Variants in EXOC2 observed in about 807,000 individuals in gnomAD.
EXOC2 encodes the protein SEC5-like 1.
EXOC2 carries 70 observed loss-of-function variants against 131.8 expected under a neutral mutation model. The observed-to-expected ratio is 0.53, with a 90% CI of 0.44 to 0.65. EXOC2 has a LOEUF of 0.65. EXOC2 is among the 30% of genes least tolerant of loss of function. EXOC2 has a pLI of 0.00. For synonymous variants in EXOC2, 411 were observed against 398.4 expected (o/e 1.03, Z -0.38); for missense variants, 923 against 1,108.6 (o/e 0.83, Z 2.38).
intron 1 of EXOC2, among the ~76,000 whole-genome samples, chr6:668,086 T>C (rs1165563295): frequency 6.6e-6 from 1 of 152,252 alleles, no homozygotes; most frequent in Non-Finnish European, 1.5e-5. Context: ...CAAGAGTTTC[T>C]ATTGGTTTTT....
chr6:576,316 G>A (rs1309103529), intron 12 of EXOC2, among the ~76,000 whole-genome samples: 4 of 152,084 alleles, frequency 2.6e-5, no homozygotes, highest in Non-Finnish European at 4.4e-5. Flanking sequence ...TTCATCTTAG[G>A]AAAAATTATT....
rs886682223 is a variant in EXOC2, at chr6:506,502, A to C, written c.2381-6802T>G. Among the ~76,000 whole-genome samples, 5 of 152,202 alleles carry C rather than the reference A, an allele frequency of 3.3e-5. No homozygotes were observed. The highest frequency in any genetic ancestry group is 9.7e-5 in the African/African-American group (4 of 41,444). ...TGCAGTAATAAGTACTGTTTTTAAAAAGGTTCCCCTTCAATAAACCCCCAC... is the reference window on the plus strand; with the variant it reads ...TGCAGTAATAAGTACTGTTTTTAAACAGGTTCCCCTTCAATAAACCCCCAC... On this transcript the variant is annotated intron_variant, in intron 23 of 27. Coordinates refer to ENST00000230449, the MANE Select transcript of EXOC2 (RefSeq NM_018303.6). This position sits in a 1 kb window ranked among gnomAD's most constrained non-coding sequence, Gnocchi z 4.4.
intron 12 of EXOC2, 133 bp from the exon 13 acceptor site, chr6:572,777 C>T (rs914390539): frequency 1.8e-5 from 20 of 1,124,346 alleles, no homozygotes; most frequent in Admixed American, 4.8e-5. Context: ...TCTGCGTGGA[C>T]GCTCGCGGCC....
Position 605,484 on chromosome 6 carries a change from T to C in EXOC2, c.742+4614A>G, listed in dbSNP as rs1760355435. 1.3e-5 allele frequency among the ~76,000 whole-genome samples: 2 copies of C among 152,226 alleles called. 1 individual carries two copies. Among genetic ancestry groups the C allele is most frequent in the South Asian group, 4.1e-4 (2 of 4,832 alleles). On this transcript the variant is annotated intron_variant, in intron 7 of 27. Transcript: ENST00000230449. ...ATTTCTTCTAGATTTTCTAGTTCATTTGCGTAGAGGTGTTTATAGTATTCT... is the reference window on the plus strand; with the variant it reads ...ATTTCTTCTAGATTTTCTAGTTCATCTGCGTAGAGGTGTTTATAGTATTCT...
intron 4 of EXOC2, among the ~76,000 whole-genome samples, chr6:624,310 GT>G (rs1405853916): frequency 6.6e-6 from 1 of 152,160 alleles, no homozygotes; most frequent in African/African-American, 2.4e-5. Context: ...CAATCTCGAT[GT>G]TTGCTCAATC....
chr6:627,564 G>A (rs1761641597), intron 4 of EXOC2, among the ~76,000 whole-genome samples: 1 of 152,050 alleles, frequency 6.6e-6, no homozygotes, highest in Non-Finnish European at 1.5e-5. Flanking sequence ...GGCTAATGGC[G>A]ATGCCAGGGA....
chr6:558,209 C>T (rs549422268), intron 17 of EXOC2, among the ~76,000 whole-genome samples: 1 of 152,270 alleles, frequency 6.6e-6, no homozygotes, highest in Admixed American at 6.5e-5. Context: ...TGGAAAGGAA[C>T]CCAGACTTAA....
At chr6:580,039 GTTTTT>G (rs1215297669) in intron 11 of EXOC2, among the ~76,000 whole-genome samples, 1 of 85,490 alleles carries the variant, frequency 1.2e-5, no homozygotes, top group Non-Finnish European at 2.5e-5. Context: ...GCCGGGTGCA[GTTTTT>G]TTTGTTTTTT....
intron 23 of EXOC2, among the ~76,000 whole-genome samples, chr6:505,384 C>A (rs909234299): frequency 6.6e-6 from 1 of 152,140 alleles, no homozygotes; most frequent in Non-Finnish European, 1.5e-5. Context: ...CGAAGAGGAT[C>A]GGGGGACACA....
chr6:633,482 T>C lies in EXOC2; in HGVS notation c.119-365A>G, dbSNP rs577882004. ...TTATTTGAAGTCTCAGTTATTAACA[T>C]AGAATTTTAAAGTGTATTAATAAAC... On this transcript the variant is annotated intron_variant, in intron 2 of 27. Coordinates refer to ENST00000230449, the MANE Select transcript of EXOC2 (RefSeq NM_018303.6). Among the ~76,000 whole-genome samples, 9 of 152,294 alleles carry C rather than the reference T, an allele frequency of 5.9e-5. No homozygotes were observed. The East Asian group carries it at 1.2e-3, about 20-fold the overall frequency.
At chr6:548,063 C>A (rs1756954657) in intron 22 of EXOC2, among the ~76,000 whole-genome samples, 1 of 152,114 alleles carries the variant, frequency 6.6e-6, no homozygotes, top group Non-Finnish European at 1.5e-5. Flanking sequence ...AACAAAGCAA[C>A]CACCTTCTAC....
intron 23 of EXOC2, among the ~76,000 whole-genome samples, chr6:508,281 G>A (rs1185955295): frequency 2.0e-5 from 3 of 151,420 alleles, no homozygotes; most frequent in African/African-American, 7.3e-5. Flanking sequence ...TGTTACAGTC[G>A]AAAGACCTAC....
At chr6:564,988 C>T in intron 13 of EXOC2, 59 bp from the exon 14 acceptor site, 1 of 1,346,804 alleles carries the variant, frequency 7.4e-7, no homozygotes, top group Non-Finnish European at 1.0e-6. Context: ...ATAAGAAATG[C>T]TTTAGCACTT....
intron 22 of EXOC2, among the ~76,000 whole-genome samples, chr6:539,158 A>G (rs1766650780): frequency 6.6e-6 from 1 of 152,150 alleles, no homozygotes; most frequent in African/African-American, 2.4e-5. Context: ...AGGTAGCCCC[A>G]TCATAAGTTC....
intron 4 of EXOC2, among the ~76,000 whole-genome samples, chr6:625,382 G>A (rs1447330259): frequency 2.0e-5 from 3 of 152,246 alleles, no homozygotes; most frequent in African/African-American, 4.8e-5. Flanking sequence ...GATGGAAGAC[G>A]GAGGGGGGAG....
At chr6:661,279 A>C (rs1763413028) in intron 1 of EXOC2, among the ~76,000 whole-genome samples, 3 of 152,192 alleles carry the variant, frequency 2.0e-5, no homozygotes, top group South Asian at 4.2e-4. Flanking sequence ...CAAATACAAG[A>C]AGCACAAAGA....
intron 22 of EXOC2, among the ~76,000 whole-genome samples, chr6:537,827 C>G (rs1766557825): frequency 6.6e-6 from 1 of 152,164 alleles, no homozygotes; most frequent in South Asian, 2.1e-4. Context: ...AAGCCAGATA[C>G]AAAAGACAAC....
intron 1 of EXOC2, among the ~76,000 whole-genome samples, chr6:670,682 T>G (rs1258893234): frequency 6.6e-6 from 1 of 152,224 alleles, no homozygotes; most frequent in Admixed American, 6.5e-5. Flanking sequence ...ATTCAATTCC[T>G]TTCTCTTTAA....
chr6:670,772 G>A (rs1377476950), intron 1 of EXOC2, among the ~76,000 whole-genome samples: 1 of 152,082 alleles, frequency 6.6e-6, no homozygotes, highest in African/African-American at 2.4e-5. Flanking sequence ...GACACAATAA[G>A]GTAATTATTA....
Sources: allele counts gnomAD v4.1 joint callset (sites outside exome capture counted in the v4.1 genomes callset), GRCh38; gene constraint gnomAD v4.1.1; non-coding constraint Gnocchi (gnomAD v3.1); transcripts MANE v1.5; gene names NCBI Gene and HGNC (gene_info 2026-07-23, HGNC 2026-07-21).